The following SUFU variants were observed in gnomAD, a reference collection of about 807,000 sequenced individuals.
SUFU encodes suppressor of fused homolog.
A neutral mutation model predicts 58.9 loss-of-function variants in SUFU; 7 were observed. That is an observed-to-expected ratio of 0.12 (90% CI 0.07 to 0.22). The LOEUF is 0.22. Ranked by LOEUF, SUFU falls within the 10% of genes least tolerant of loss-of-function variation. SUFU has a pLI of 1.00. For synonymous variants in SUFU, 232 were observed against 254.8 expected (o/e 0.91, Z 0.85); for missense variants, 451 against 641.3 (o/e 0.70, Z 3.20).
intron 8 of SUFU, among the ~76,000 whole-genome samples, chr10:102,611,720 C>A (rs910076004): frequency 1.4e-4 from 22 of 152,312 alleles, no homozygotes; most frequent in African/African-American, 5.3e-4. Flanking sequence ...CTGAGTCATC[C>A]CATTTAGTCA....
chr10:102,534,913 A>G (rs1420118933), intron 2 of SUFU, among the ~76,000 whole-genome samples: 4 of 152,164 alleles, frequency 2.6e-5, no homozygotes, highest in African/African-American at 9.7e-5. Flanking sequence ...GGAGACATGC[A>G]TGGGAGATGT....
chr10:102,600,830 G>T (rs2063508935), intron 8 of SUFU, among the ~76,000 whole-genome samples: 1 of 152,178 alleles, frequency 6.6e-6, no homozygotes, highest in Admixed American at 6.5e-5. Flanking sequence ...GCCTGGAGAA[G>T]CCTCCACCGC....
intron 1 of SUFU, among the ~76,000 whole-genome samples, chr10:102,506,041 A>G (rs1046863059): frequency 0.31 from 36,692 of 119,440 alleles, 6,075 homozygotes; most frequent in African/African-American, 0.34. Context: ...TGTTATTTGA[A>G]AAAAAAAAAA....
In SUFU at chr10:102,593,692, C is replaced by A. The variant is rs1227186441; in HGVS notation, c.654C>A (p.Gly218=). The change falls in exon 5 of 12, where the codon GGC becomes GGA. Residue 218 remains glycine, a synonymous_variant. Coordinates refer to ENST00000369902, the MANE Select transcript of SUFU (RefSeq NM_016169.4). ...LHSAQQWNGQ[G]ILELLRTVPI... is the part of the protein sequence containing the mutation. ...CAGCCCAGCAGTGGAACGGGCAGGGCATCCTGGAGCTGCTGCGGACAGTGC... is the reference window on the plus strand; with the variant it reads ...CAGCCCAGCAGTGGAACGGGCAGGGAATCCTGGAGCTGCTGCGGACAGTGC... The A allele has an allele frequency of 1.2e-6, 2 of 1,614,216 alleles. No individual in the cohort carries two copies. The highest frequency in any genetic ancestry group is 1.7e-6 in the Non-Finnish European group (2 of 1,180,036).
Position 102,597,389 on chromosome 10 carries a change from A to G in SUFU, c.910+96A>G, listed in dbSNP as rs553032387. Reference sequence around the variant, plus strand: ...TCTAGGATGGGTCTCTAACAAAAACAACCCATTCAATAGTTTATTTCCTGG... The same window carrying G: ...TCTAGGATGGGTCTCTAACAAAAACGACCCATTCAATAGTTTATTTCCTGG... On this transcript the variant is annotated intron_variant, in intron 7 of 11. Transcript: ENST00000369902. 6 of 1,439,282 alleles carry G rather than the reference A, an allele frequency of 4.2e-6. No homozygotes were observed. In the African/African-American group the frequency reaches 8.5e-5, roughly 20 times the overall value. 89.2% of individuals were successfully genotyped at this position (1,439,282 alleles called of 1,614,324 possible).
At position 102,605,544 on chromosome 10, in the gene SUFU, A is replaced by G. The variant is rs568930687; in HGVS notation, c.1022+6000A>G. Among the ~76,000 whole-genome samples the G allele has an allele frequency of 5.9e-4, 90 of 152,320 alleles. 1 individual carries two copies. In the South Asian group the frequency reaches 6.0e-3, roughly 10 times the overall value. ...TTTTGTCATTTGGTTATTGGTGTTT[A>G]CTATTCACCTTTTGTGGCCTTTTAC... On this transcript the variant is annotated intron_variant, in intron 8 of 11. Transcript: ENST00000369902.
At position 102,617,704 on chromosome 10, in the gene SUFU, G is replaced by A. The variant is rs1052847390; in HGVS notation, c.1296+276G>A. The A allele has an allele frequency of 1.2e-5, 7 of 600,534 alleles. No homozygotes were observed. The highest frequency in any genetic ancestry group is 3.0e-5 in the Admixed American group (1 of 33,134). 37.2% of individuals were successfully genotyped at this position (600,534 alleles called of 1,614,324 possible). A position where few individuals can be genotyped will look rare whatever the true frequency, so the allele number is the denominator to read the frequency against. ...TGGCTCTTGGTAATTCTGGTTCCCC[G>A]TGGAAATCCAGGTTGGAGGGATATA... is the stretch of plus-strand genomic sequence containing the variant. On this transcript the variant is annotated intron_variant, in intron 10 of 11. Transcript: ENST00000369902. The surrounding 1 kb of genome is among the most constrained non-coding windows in gnomAD (Gnocchi z 4.4).
chr10:102,565,567 C>T (rs1202432281), intron 3 of SUFU, among the ~76,000 whole-genome samples: 2 of 152,190 alleles, frequency 1.3e-5, no homozygotes, highest in Admixed American at 6.5e-5. Flanking sequence ...GTTTTTGAGA[C>T]GGAGTCTCGC....
intron 10 of SUFU, among the ~76,000 whole-genome samples, chr10:102,623,778 A>C (rs1227153377): frequency 6.6e-6 from 1 of 152,142 alleles, no homozygotes; most frequent in East Asian, 1.9e-4. Context: ...CATCTCTACT[A>C]AAAATACAAA....
Position 102,627,231 on chromosome 10 carries a change from T to C in SUFU, c.1353T>C (p.Thr451=). ...TGTTGGAGGATTTAGAAGATTTGAC[T>C]TCTCCAGAGGAAGTAAGCTTGTTTG... ...EKMLEDLEDL[T]SPEEFKLPKE... The change falls in exon 11 of 12, where the codon ACT becomes ACC. Residue 451 remains threonine (T), a synonymous_variant. Coordinates refer to ENST00000369902, the MANE Select transcript of SUFU (RefSeq NM_016169.4). 1.2e-6 allele frequency: 2 copies of C among 1,614,236 alleles called. No individual in the cohort carries two copies. Among genetic ancestry groups the C allele is most frequent in the Middle Eastern group, 3.3e-4 (2 of 6,062 alleles).
chr10:102,506,787 C>G (rs2062332908), intron 1 of SUFU, among the ~76,000 whole-genome samples: 1 of 152,202 alleles, frequency 6.6e-6, no homozygotes, highest in Non-Finnish European at 1.5e-5. Context: ...AGCAGGATGA[C>G]TGACCCAGGC....
chr10:102,564,292 T>G (rs1318408743), intron 3 of SUFU, among the ~76,000 whole-genome samples: 1 of 152,226 alleles, frequency 6.6e-6, no homozygotes, highest in Non-Finnish European at 1.5e-5. Flanking sequence ...TAAAGCTTTC[T>G]GGAAAGAGGT....
chr10:102,562,525 AAACAACAACAAC>A (rs753014326), intron 3 of SUFU, among the ~76,000 whole-genome samples: 1 of 151,620 alleles, frequency 6.6e-6, no homozygotes, highest in African/African-American at 2.4e-5. Context: ...TCTGTCTCAA[AAACAACAACAAC>A]AACAACAACA....
At chr10:102,618,898 C>A (rs912479050) in intron 10 of SUFU, among the ~76,000 whole-genome samples, 2 of 149,992 alleles carry the variant, frequency 1.3e-5, no homozygotes, top group African/African-American at 5.0e-5. Flanking sequence ...CCTGAGAGTT[C>A]ACAGGTCATC....
chr10:102,522,296 A>G (rs1043774824), intron 2 of SUFU, among the ~76,000 whole-genome samples: 2 of 152,232 alleles, frequency 1.3e-5, no homozygotes, highest in South Asian at 2.1e-4. Context: ...CCTACTTCTC[A>G]GATCACAGCT....
intron 6 of SUFU, 106 bp from the exon 7 acceptor site, chr10:102,597,034 A>G: frequency 7.3e-7 from 1 of 1,362,834 alleles, no homozygotes. Flanking sequence ...CATGCTCAGC[A>G]CCACAAGGGC....
chr10:102,572,499 C>G (rs1242085316), intron 3 of SUFU, among the ~76,000 whole-genome samples: 1 of 150,880 alleles, frequency 6.6e-6, no homozygotes, highest in Non-Finnish European at 1.5e-5. Flanking sequence ...AAGCAATTCT[C>G]CTGCCCCAGC....
chr10:102,523,931 C>A (rs1188095715), intron 2 of SUFU, among the ~76,000 whole-genome samples: 2 of 152,314 alleles, frequency 1.3e-5, no homozygotes, highest in African/African-American at 4.8e-5. Flanking sequence ...TATTCTGCCC[C>A]CCTTGCTTTT....
intron 3 of SUFU, among the ~76,000 whole-genome samples, chr10:102,586,082 A>G (rs1478154037): frequency 6.6e-6 from 1 of 150,828 alleles, no homozygotes; most frequent in African/African-American, 2.4e-5. Flanking sequence ...ACGGGGTTTC[A>G]CCATGTTGGC....
Sources: allele counts gnomAD v4.1 joint callset (sites outside exome capture counted in the v4.1 genomes callset), GRCh38; gene constraint gnomAD v4.1.1; non-coding constraint Gnocchi (gnomAD v3.1); transcripts MANE v1.5; gene names NCBI Gene and HGNC (gene_info 2026-07-23, HGNC 2026-07-21).